Variants in GMDS observed in about 807,000 individuals in gnomAD.
GMDS encodes GDP-mannose 4,6-dehydratase.
A neutral mutation model predicts 49.9 loss-of-function variants in GMDS; 20 were observed. The observed-to-expected ratio is 0.40, with a 90% CI of 0.28 to 0.58. GMDS has a LOEUF of 0.58. Among genes scored for constraint, GMDS ranks in the 20% least tolerant of loss-of-function variants. The pLI is 0.42. For synonymous variants in GMDS, 177 were observed against 178.6 expected, an observed-to-expected ratio of 0.99 and a Z score of 0.07; for missense variants, 362 against 481.4, an observed-to-expected ratio of 0.75 and a Z score of 2.32.
rs567149666 is a variant in GMDS, at chr6:1,646,295, G to A, written c.988-21755C>T. Among the ~76,000 whole-genome samples the A allele has an allele frequency of 2.6e-5, 4 of 152,280 alleles. No individual in the cohort carries two copies. The South Asian group carries it at 8.3e-4, about 32-fold the overall frequency. ...GATGACAGCATCCTCCCGCTTCACA[G>A]ACCAGCCCTCCCCTGCTCTGGGGTC... On this transcript the variant is annotated intron_variant, in intron 9 of 10. Transcript: ENST00000380815.
rs188886258 is a variant in GMDS at position 1,955,056 on chromosome 6, C to T, written c.643+4811G>A. On this transcript the variant is annotated intron_variant, in intron 6 of 10. Transcript: ENST00000380815. The stretch of plus-strand genomic sequence containing the variant: ...AAATATTAGGAGAATTCTCAAAATG[C>T]GACACAGAGACAGGAGGTGAACACC... Among the ~76,000 whole-genome samples, 36 of 151,562 alleles carry T rather than the reference C, an allele frequency of 2.4e-4. No homozygotes were observed. The East Asian group carries it at 6.4e-3, about 27-fold the overall frequency.
chr6:2,051,072 C>T (rs1040486549), intron 4 of GMDS, among the ~76,000 whole-genome samples: 12 of 151,908 alleles, frequency 7.9e-5, no homozygotes, highest in Admixed American at 2.6e-4. Flanking sequence ...CAAACCTGTA[C>T]GTTGTACACA....
chr6:1,628,076 G>A (rs1762896701), intron 9 of GMDS, among the ~76,000 whole-genome samples: 1 of 152,184 alleles, frequency 6.6e-6, no homozygotes, highest in South Asian at 2.1e-4. Flanking sequence ...GTACCATCCA[G>A]GCATACATTT....
At chr6:1,821,835 C>T (rs1012922271) in intron 7 of GMDS, among the ~76,000 whole-genome samples, 2 of 151,818 alleles carry the variant, frequency 1.3e-5, no homozygotes, top group Non-Finnish European at 2.9e-5. Context: ...CAGTGGCGGG[C>T]TCAGTCTTGC....
At chr6:1,935,455 G>A (rs1762481185) in intron 6 of GMDS, among the ~76,000 whole-genome samples, 2 of 152,170 alleles carry the variant, frequency 1.3e-5, no homozygotes. Flanking sequence ...TTATTATAAT[G>A]ATTACATTAC....
At chr6:1,779,380 C>A (rs567920831) in intron 7 of GMDS, among the ~76,000 whole-genome samples, 55 of 152,178 alleles carry the variant, frequency 3.6e-4, no homozygotes, top group Admixed American at 6.5e-4. Flanking sequence ...CCCAGGGTCA[C>A]AGATCAGGTG....
intron 9 of GMDS, among the ~76,000 whole-genome samples, chr6:1,680,121 T>C (rs1764742203): frequency 6.6e-6 from 1 of 152,220 alleles, no homozygotes; most frequent in Non-Finnish European, 1.5e-5. Context: ...GCGCACTTTG[T>C]AGATGATATT....
intron 7 of GMDS, among the ~76,000 whole-genome samples, chr6:1,750,936 A>C (rs1248263092): frequency 6.6e-6 from 1 of 152,206 alleles, no homozygotes; most frequent in Non-Finnish European, 1.5e-5. Flanking sequence ...TTCCCCTCAC[A>C]GTGTAAACAA....
intron 4 of GMDS, among the ~76,000 whole-genome samples, chr6:2,035,443 C>T (rs1398966000): frequency 6.6e-6 from 1 of 152,136 alleles, no homozygotes; most frequent in East Asian, 1.9e-4. Flanking sequence ...GGATTCACCA[C>T]TATACATCTC....
At chr6:1,991,703 T>C (rs1765949323) in intron 4 of GMDS, among the ~76,000 whole-genome samples, 1 of 152,218 alleles carries the variant, frequency 6.6e-6, no homozygotes, top group African/African-American at 2.4e-5. Flanking sequence ...TGTTGCCTAG[T>C]GTGGGATTGA....
At chr6:1,710,630 C>T (rs1765920043) in intron 9 of GMDS, among the ~76,000 whole-genome samples, 3 of 152,262 alleles carry the variant, frequency 2.0e-5, no homozygotes, top group South Asian at 4.1e-4. Context: ...TGGAGCTCTC[C>T]GAGGATGGGG....
intron 7 of GMDS, among the ~76,000 whole-genome samples, chr6:1,848,998 G>A (rs1757538357): frequency 1.3e-5 from 2 of 152,102 alleles, no homozygotes; most frequent in Non-Finnish European, 2.9e-5. Context: ...AGATGACAGT[G>A]GCAACTACCT....
intron 4 of GMDS, among the ~76,000 whole-genome samples, chr6:2,094,400 A>C (rs2127479319): frequency 6.6e-6 from 1 of 152,390 alleles, no homozygotes; most frequent in Admixed American, 6.5e-5. Context: ...AATATAGCTA[A>C]GAGACCAAAT....
At chr6:1,949,839 C>T (rs1239931021) in intron 6 of GMDS, among the ~76,000 whole-genome samples, 1 of 152,164 alleles carries the variant, frequency 6.6e-6, no homozygotes, top group Non-Finnish European at 1.5e-5. Flanking sequence ...CTCTACTGAA[C>T]TCCAACAGGA....
rs370512846 is a variant in GMDS, at chr6:1,624,465, T to C, written c.1056+7A>G. On this transcript the variant is annotated splice_region_variant and intron_variant, in intron 10 of 10. Transcript: ENST00000380815. ...AGCGGGCGGCGTGCGCCCTAAGAGATACTCACATCGAAAGCGACCCGGGGC... is the reference window on the plus strand; with the variant it reads ...AGCGGGCGGCGTGCGCCCTAAGAGACACTCACATCGAAAGCGACCCGGGGC... 169 of 1,611,378 alleles carry C rather than the reference T, an allele frequency of 1.0e-4. No homozygotes were observed. Among genetic ancestry groups the C allele is most frequent in the Non-Finnish European group, 1.3e-4 (148 of 1,177,764 alleles).
chr6:2,004,446 A>G (rs1016190935), intron 4 of GMDS, among the ~76,000 whole-genome samples: 1 of 152,190 alleles, frequency 6.6e-6, no homozygotes, highest in African/African-American at 2.4e-5. Context: ...GAATTTTACA[A>G]CTCAGTAATT....
At chr6:1,909,076 T>A (rs1561881687) in intron 7 of GMDS, among the ~76,000 whole-genome samples, 2 of 152,194 alleles carry the variant, frequency 1.3e-5, no homozygotes, top group African/African-American at 4.8e-5. Context: ...ACCGGTCAAG[T>A]TATAAACGTT....
intron 6 of GMDS, among the ~76,000 whole-genome samples, chr6:1,938,542 T>C (rs553728513): frequency 1.7e-4 from 26 of 152,342 alleles, no homozygotes; most frequent in African/African-American, 5.5e-4. Context: ...TCCGGTCTAA[T>C]TGTCATTCCT....
At chr6:1,966,234 C>G (rs1201424430) in intron 4 of GMDS, among the ~76,000 whole-genome samples, 3 of 152,110 alleles carry the variant, frequency 2.0e-5, no homozygotes, top group African/African-American at 7.2e-5. Context: ...ATCTTTTTCT[C>G]TATCTTCTCA....
Sources: gnomAD v4.1 joint callset for allele counts (sites outside exome capture counted in the v4.1 genomes callset) on GRCh38, gnomAD v4.1.1 for gene constraint, MANE v1.5 for transcripts, NCBI Gene and HGNC (gene_info 2026-07-23, HGNC 2026-07-21) for gene names.